WWOX: variants seen among roughly 807,000 people sequenced by gnomAD.
WWOX encodes the protein WW domain containing oxidoreductase.
Under a neutral mutation model 46.2 loss-of-function variants are expected in WWOX, and 69 were observed. The observed-to-expected ratio is 1.49, with a 90% CI of 1.23 to 1.82. The LOEUF (loss-of-function observed/expected upper bound fraction) is 1.82, where lower values mean the gene tolerates loss of function less well. WWOX is among the 40% of genes most tolerant of loss of function. The pLI is 0.00. For synonymous variants in WWOX, 359 were observed against 202.6 expected, an observed-to-expected ratio of 1.77 and a Z score of -6.56; for missense variants, 919 against 542.6, an observed-to-expected ratio of 1.69 and a Z score of -6.89.
At chr16:78,384,895 G>A (rs951953993) in intron 5 of WWOX, among the ~76,000 whole-genome samples, 16 of 152,170 alleles carry the variant, frequency 1.1e-4, no homozygotes, top group East Asian at 3.9e-4. Context: ...TAGCACTTTC[G>A]GAGGCCGGGG....
intron 8 of WWOX, among the ~76,000 whole-genome samples, chr16:78,949,739 A>G (rs1301025175): frequency 6.6e-6 from 1 of 152,212 alleles, no homozygotes; most frequent in East Asian, 1.9e-4. Flanking sequence ...TTGCGGGGCA[A>G]ACACAACAAG....
intron 5 of WWOX, chr16:78,167,161 A>G (rs953185386): frequency 6.6e-6 from 1 of 152,224 alleles, no homozygotes; most frequent in African/African-American, 2.4e-5. Flanking sequence ...CACAATATAT[A>G]TGAGAACACA....
At chr16:78,449,756 G>GT (rs1418438227) in intron 8 of WWOX, among the ~76,000 whole-genome samples, 1 of 152,184 alleles carries the variant, frequency 6.6e-6, no homozygotes, top group Non-Finnish European at 1.5e-5. Flanking sequence ...GGTAGATAAT[G>GT]TATCCTAAAG....
intron 8 of WWOX, among the ~76,000 whole-genome samples, chr16:78,631,324 C>A (rs2046423706): frequency 6.6e-6 from 1 of 152,114 alleles, no homozygotes; most frequent in Non-Finnish European, 1.5e-5. Flanking sequence ...AATATTTCTG[C>A]TCATGGTTGC....
At position 78,211,463 on chromosome 16, in the gene WWOX, G is replaced by A. The variant is rs2036558021; in HGVS notation, c.516+47174G>A. Among the ~76,000 whole-genome samples the A allele has an allele frequency of 2.0e-5, 3 of 152,134 alleles. No homozygotes were observed. In the South Asian group the frequency reaches 6.2e-4, roughly 32 times the overall value. ...GAGGTGACCTTTGAGCTGAGTGTAT[G>A]AGTGCAAGAGAGAGCGATCACACCT... On this transcript the variant is annotated intron_variant, in intron 5 of 8. Transcript: ENST00000566780.
rs76552693 is a variant in WWOX at position 78,644,893 on chromosome 16, A to G, written c.1056+212141A>G. ...ATGTAGAAAATCGGGACGGCATGTTAGGAATATAGATAGGAATTACTAAGG... is the reference window on the plus strand; with the variant it reads ...ATGTAGAAAATCGGGACGGCATGTTGGGAATATAGATAGGAATTACTAAGG... On this transcript the variant is annotated intron_variant, in intron 8 of 8. Transcript: ENST00000566780. Among the ~76,000 whole-genome samples the G allele has an allele frequency of 1.6e-3, 250 of 152,356 alleles. 3 individuals are homozygous for G. The East Asian group carries it at 0.036, about 22-fold the overall frequency.
intron 8 of WWOX, among the ~76,000 whole-genome samples, chr16:78,727,152 A>T (rs531235080): frequency 2.6e-5 from 4 of 152,318 alleles, no homozygotes; most frequent in East Asian, 3.9e-4. Context: ...TAATGCCAGC[A>T]CTTTGGGAGG....
At chr16:78,668,499 T>A (rs185675453) in intron 8 of WWOX, among the ~76,000 whole-genome samples, 4 of 152,234 alleles carry the variant, frequency 2.6e-5, no homozygotes, top group Non-Finnish European at 5.9e-5. Context: ...GGCTAGGCCC[T>A]GGGAACAGTT....
At chr16:78,567,216 G>C (rs2044591118) in intron 8 of WWOX, among the ~76,000 whole-genome samples, 1 of 152,170 alleles carries the variant, frequency 6.6e-6, no homozygotes, top group Non-Finnish European at 1.5e-5. Context: ...CCAAAGCTGA[G>C]CTGCCTGCCA....
At chr16:79,147,684 C>A (rs1400703356) in intron 8 of WWOX, among the ~76,000 whole-genome samples, 3 of 152,136 alleles carry the variant, frequency 2.0e-5, no homozygotes, top group Admixed American at 2.0e-4. Context: ...TGTTTCCATG[C>A]TATTTTACAT....
intron 8 of WWOX, among the ~76,000 whole-genome samples, chr16:79,191,567 G>C (rs2051137571): frequency 6.6e-6 from 1 of 152,210 alleles, no homozygotes; most frequent in Non-Finnish European, 1.5e-5. Flanking sequence ...TCCTGTGGGA[G>C]CTCACGTTTT....
chr16:78,442,392 G>T (rs2083464153), intron 8 of WWOX, among the ~76,000 whole-genome samples: 1 of 151,912 alleles, frequency 6.6e-6, no homozygotes, highest in Admixed American at 6.6e-5. Flanking sequence ...TATTCATTCT[G>T]TCTAACTGAA....
At chr16:78,866,663 C>CTTGCA (rs2044010624) in intron 8 of WWOX, among the ~76,000 whole-genome samples, 1 of 152,346 alleles carries the variant, frequency 6.6e-6, no homozygotes, top group South Asian at 2.1e-4. Flanking sequence ...GTTGCCCTGG[C>CTTGCA]TTGCAACGTA....
At chr16:78,641,117 T>A (rs1268754354) in intron 8 of WWOX, among the ~76,000 whole-genome samples, 1 of 152,114 alleles carries the variant, frequency 6.6e-6, no homozygotes, top group Non-Finnish European at 1.5e-5. Context: ...AGGCTGTGGT[T>A]GTGAACAGGT....
chr16:79,194,166 T>G (rs1281622782), intron 8 of WWOX, among the ~76,000 whole-genome samples: 1 of 152,136 alleles, frequency 6.6e-6, no homozygotes, highest in Non-Finnish European at 1.5e-5. Context: ...ATGTGAGTTG[T>G]TACTTGTAGA....
At chr16:78,321,727 G>C (rs1385961524) in intron 5 of WWOX, among the ~76,000 whole-genome samples, 2 of 152,168 alleles carry the variant, frequency 1.3e-5, no homozygotes, top group African/African-American at 4.8e-5. Context: ...GTAGGAGTGA[G>C]AACACAGGCT....
At chr16:79,104,350 T>G (rs1231835302) in intron 8 of WWOX, among the ~76,000 whole-genome samples, 1 of 152,226 alleles carries the variant, frequency 6.6e-6, no homozygotes, top group Non-Finnish European at 1.5e-5. Flanking sequence ...CCTTCAAAAT[T>G]ACAATGAAAA....
At chr16:78,753,265 C>A (rs2049532495) in intron 8 of WWOX, among the ~76,000 whole-genome samples, 1 of 151,890 alleles carries the variant, frequency 6.6e-6, no homozygotes, top group Non-Finnish European at 1.5e-5. Context: ...ACACCACTAC[C>A]CTCCAGCCTG....
At chr16:78,836,374 C>G (rs1385121670) in intron 8 of WWOX, among the ~76,000 whole-genome samples, 3 of 152,110 alleles carry the variant, frequency 2.0e-5, no homozygotes, top group Non-Finnish European at 1.5e-5. Flanking sequence ...GAGGCCCTCT[C>G]TGTGATTTCG....
Sources: gnomAD v4.1 joint callset for allele counts (sites outside exome capture counted in the v4.1 genomes callset) on GRCh38, gnomAD v4.1.1 for gene constraint, MANE v1.5 for transcripts, NCBI Gene and HGNC (gene_info 2026-07-23, HGNC 2026-07-21) for gene names.